The following GRIN2D variants were observed in gnomAD, a reference collection of about 807,000 sequenced individuals.
GRIN2D encodes the protein glutamate receptor ionotropic, NMDA 2D.
In GRIN2D, 37 loss-of-function variants were observed where a neutral mutation model predicts 103.2. That is an observed-to-expected ratio of 0.36 (90% CI 0.28 to 0.47). The LOEUF (loss-of-function observed/expected upper bound fraction) is 0.47. Among genes scored for constraint, GRIN2D ranks in the 20% least tolerant of loss-of-function variants. The probability of loss-of-function intolerance (pLI) is 1.00; values close to 1 mark genes in which losing one functional copy is unlikely to be tolerated. For missense variants in GRIN2D, 1,557 were observed against 1,910.6 expected, an observed-to-expected ratio of 0.81 and a Z score of 3.45; for synonymous variants, 845 against 885.6, an observed-to-expected ratio of 0.95 and a Z score of 0.81.
chr19:48,428,541 T>C (rs997103353), intron 11 of GRIN2D, among the ~76,000 whole-genome samples: 2 of 151,956 alleles, frequency 1.3e-5, no homozygotes, highest in Non-Finnish European at 2.9e-5. Context: ...TTTTGTATTT[T>C]TAGTAGAGAC....
chr19:48,414,354 CTCTT>C lies in GRIN2D; in HGVS notation c.1201-16_1201-13del, dbSNP rs1970915338. Reference sequence around the variant, plus strand: ...GGAAGTCTTCCCAGGAAGCCTGACTCTCTTTCCCTTTGGCCAAGGTGGGCAGCTG... The same window carrying C: ...GGAAGTCTTCCCAGGAAGCCTGACTCTCCCTTTGGCCAAGGTGGGCAGCTG... On this transcript the variant is annotated splice_polypyrimidine_tract_variant and intron_variant, in intron 5 of 13. Transcript: ENST00000263269. This position sits in a 1 kb window ranked among gnomAD's most constrained non-coding sequence, Gnocchi z 4.6. 6.3e-7 allele frequency: 1 copy of C among 1,584,992 alleles called. No homozygotes were observed. Among genetic ancestry groups the C allele is most frequent in the Non-Finnish European group, 8.6e-7 (1 of 1,165,990 alleles).
chr19:48,415,160 C>T, intron 7 of GRIN2D, 128 bp downstream of exon 7: 2 of 859,268 alleles, frequency 2.3e-6, no homozygotes, highest in Admixed American at 5.8e-5. Context: ...TGCCTGAGCT[C>T]AGGGGTTCGA....
At chr19:48,428,263 C>G (rs551150414) in intron 11 of GRIN2D, among the ~76,000 whole-genome samples, 4 of 151,898 alleles carry the variant, frequency 2.6e-5, no homozygotes, top group Admixed American at 2.6e-4. Flanking sequence ...TCTCGAACTC[C>G]TGACCTCAGG....
At position 48,398,746 on chromosome 19, in the gene GRIN2D, A is replaced by G. The variant is rs1319668543; in HGVS notation, c.354A>G (p.Glu118=). The G allele has an allele frequency of 1.4e-6, 2 of 1,466,608 alleles. No individual in the cohort carries two copies. Among genetic ancestry groups the G allele is most frequent in the Admixed American group, 2.4e-5 (1 of 41,220 alleles). The allele number at this position is 1,466,608 out of a possible 1,614,324, so 90.8% of individuals were successfully genotyped here. The change falls in exon 3 of 14, where the codon GAA becomes GAG. Residue 118 remains glutamate, a synonymous_variant. Transcript: ENST00000263269. ...SGLRVHGVVF[E]DDSRAPAVAP... ...TGCGCGTGCACGGCGTGGTCTTCGA[A>G]GACGACTCGCGCGCGCCCGCCGTCG... is the stretch of plus-strand genomic sequence containing the variant.
rs1286382900 is a variant in GRIN2D, at chr19:48,398,726, G to A, written c.334G>A (p.Val112Met). 4.8e-6 allele frequency: 7 copies of A among 1,466,588 alleles called. No homozygotes were observed. Among genetic ancestry groups the A allele is most frequent in the South Asian group, 2.6e-5 (2 of 77,324 alleles). 90.8% of individuals were successfully genotyped at this position (1,466,588 alleles called of 1,614,324 possible). Residue 112 changes from valine to methionine, a missense_variant, in exon 3 of 14, where the codon GTG (valine) becomes ATG (methionine). This residue lies in a region of GRIN2D where 490 missense variants were observed against 601.1 expected (regional missense o/e 0.82). Transcript: ENST00000263269. ...QLCDLLSGLR[V>M]HGVVFEDDSR... is the part of the protein sequence containing the mutation. ...CTGCGACCTGCTGTCGGGGTTGCGCGTGCACGGCGTGGTCTTCGAAGACGA... is the reference window on the plus strand; with the variant it reads ...CTGCGACCTGCTGTCGGGGTTGCGCATGCACGGCGTGGTCTTCGAAGACGA...
In GRIN2D at chr19:48,442,197, A is replaced by T; in HGVS notation, c.2488A>T (p.Asn830Tyr). ...ERLWLSGICH[N>Y]DKIEVMSSKL... ...GCTGTGGCTCTCTGGGATCTGCCAC[A>T]ATGACAAAATCGAGGTGATGAGCAG... The change falls in exon 13 of 14, where the codon AAT becomes TAT. Residue 830 changes from asparagine (N) to tyrosine (Y), a missense_variant. Asn to Tyr is a moderately radical substitution (Grantham distance 143, BLOSUM62 -2). This residue lies in a region of GRIN2D where 138 missense variants were observed against 270.2 expected (regional missense o/e 0.51). Transcript: ENST00000263269. This position sits in a 1 kb window ranked among gnomAD's most constrained non-coding sequence, Gnocchi z 7.2. 3.1e-6 allele frequency: 5 copies of T among 1,614,182 alleles called. No homozygotes were observed. The highest frequency in any genetic ancestry group is 4.2e-6 in the Non-Finnish European group (5 of 1,180,024).
At chr19:48,418,841 G>C (rs1674751710) in intron 8 of GRIN2D, among the ~76,000 whole-genome samples, 1 of 152,052 alleles carries the variant, frequency 6.6e-6, no homozygotes, top group South Asian at 2.1e-4. Flanking sequence ...AAACATTTAG[G>C]AGACAGTTTC....
At chr19:48,407,858 G>A (rs536711802) in intron 4 of GRIN2D, among the ~76,000 whole-genome samples, 1 of 152,324 alleles carries the variant, frequency 6.6e-6, no homozygotes, top group South Asian at 2.1e-4. Flanking sequence ...GGGGTGGTCA[G>A]GAAAGGCCTT....
chr19:48,423,241 TCA>T, intron 11 of GRIN2D, among the ~76,000 whole-genome samples: 1 of 151,920 alleles, frequency 6.6e-6, no homozygotes. Flanking sequence ...AAAGTTGAGT[TCA>T]GGCCCCAAAG....
intron 3 of GRIN2D, among the ~76,000 whole-genome samples, chr19:48,403,657 G>A (rs1419737549): frequency 6.6e-6 from 1 of 152,134 alleles, no homozygotes; most frequent in East Asian, 1.9e-4. Context: ...AGAAGGGCCA[G>A]CAAAGGAGGC....
intron 12 of GRIN2D, 33 bp downstream of exon 12, chr19:48,441,989 G>C: frequency 1.3e-6 from 2 of 1,578,660 alleles, no homozygotes; most frequent in Non-Finnish European, 1.7e-6. Flanking sequence ...CCACAGCGGA[G>C]AGGGGGAGGG....
At chr19:48,419,385 G>T (rs1481689014) in intron 9 of GRIN2D, 26 bp downstream of exon 9, 3 of 1,583,430 alleles carry the variant, frequency 1.9e-6, no homozygotes, top group Non-Finnish European at 8.5e-7. Context: ...TCCATCCCCC[G>T]CCTCGGAGAT....
Position 48,421,983 on chromosome 19 carries a change from G to T in GRIN2D, c.2252+38G>T, listed in dbSNP as rs371552966. ...TCGGGCCGGGGGTGGGGGTTGGGCCGCTGGGGACCTGAGGATGCTCAAAGA... is the reference window on the plus strand; with the variant it reads ...TCGGGCCGGGGGTGGGGGTTGGGCCTCTGGGGACCTGAGGATGCTCAAAGA... On this transcript the variant is annotated intron_variant, in intron 11 of 13. Transcript: ENST00000263269. This position sits in a 1 kb window ranked among gnomAD's most constrained non-coding sequence, Gnocchi z 4.8. The T allele has an allele frequency of 2.5e-6, 4 of 1,596,280 alleles. No individual in the cohort carries two copies. The highest frequency in any genetic ancestry group is 2.2e-5 in the South Asian group (2 of 90,234).
chr19:48,433,144 G>A (rs2147467665), intron 11 of GRIN2D, among the ~76,000 whole-genome samples: 1 of 148,248 alleles, frequency 6.7e-6, no homozygotes, highest in South Asian at 2.2e-4. Flanking sequence ...GAGAAGGGCG[G>A]ATTGCCTGAG....
chr19:48,396,449 G>A (rs979125559), intron 2 of GRIN2D, among the ~76,000 whole-genome samples: 3 of 152,030 alleles, frequency 2.0e-5, no homozygotes, highest in Non-Finnish European at 2.9e-5. Flanking sequence ...GGGTCTGGGA[G>A]AGGCAGAGGA....
intron 4 of GRIN2D, among the ~76,000 whole-genome samples, chr19:48,412,824 C>A (rs1189620240): frequency 2.3e-5 from 3 of 131,728 alleles, no homozygotes; most frequent in Non-Finnish European, 4.8e-5. Flanking sequence ...AAAAACCACA[C>A]ATTAAAAAAA....
rs1319668543 is a variant in GRIN2D at position 48,398,746 on chromosome 19, A to C, written c.354A>C (p.Glu118Asp). The change falls in exon 3 of 14, where the codon GAA becomes GAC. Residue 118 changes from glutamate to aspartate, a missense_variant. This residue lies in a region of GRIN2D where 490 missense variants were observed against 601.1 expected (regional missense o/e 0.82). Transcript: ENST00000263269. ...SGLRVHGVVF[E>D]DDSRAPAVAP... ...TGCGCGTGCACGGCGTGGTCTTCGA[A>C]GACGACTCGCGCGCGCCCGCCGTCG... The C allele has an allele frequency of 6.8e-7, 1 of 1,466,718 alleles. No individual in the cohort carries two copies. Among genetic ancestry groups the C allele is most frequent in the South Asian group, 1.3e-5 (1 of 77,282 alleles). 90.9% of individuals were successfully genotyped at this position (1,466,718 alleles called of 1,614,324 possible). A position where few individuals can be genotyped will look rare whatever the true frequency, so the allele number is the denominator to read the frequency against.
In GRIN2D at chr19:48,443,258, C is replaced by A; in HGVS notation, c.3332C>A (p.Ser1111Ter). The change falls in exon 14 of 14, where the codon TCG (serine) becomes TAG (stop). Residue 1111 changes from serine (S) to a stop codon, truncating the protein, a stop_gained. Transcript: ENST00000263269. LOFTEE classifies it high-confidence loss of function. This position sits in a 1 kb window ranked among gnomAD's most constrained non-coding sequence, Gnocchi z 8.9. ...TGCCCTTACCTCGATCTCGAGCCGTCGCCGTCGGACTCGGAGGACTCGGAG... is the reference window on the plus strand; with the variant it reads ...TGCCCTTACCTCGATCTCGAGCCGTAGCCGTCGGACTCGGAGGACTCGGAG... The part of the protein sequence containing the change: ...PPCPYLDLEP[S>*]PSDSEDSESL... 6.6e-7 allele frequency: 1 copy of A among 1,519,592 alleles called. No individual in the cohort carries two copies. Among genetic ancestry groups the A allele is most frequent in the Non-Finnish European group, 8.8e-7 (1 of 1,142,278 alleles). The allele number at this position is 1,519,592 out of a possible 1,614,324, so 94.1% of individuals were successfully genotyped here. A position where few individuals can be genotyped will look rare whatever the true frequency, so the allele number is the denominator to read the frequency against.
chr19:48,417,271 G>A (rs527741311), intron 8 of GRIN2D, among the ~76,000 whole-genome samples: 1 of 152,204 alleles, frequency 6.6e-6, no homozygotes, highest in Admixed American at 6.5e-5. Flanking sequence ...ATCCCACTCT[G>A]TGGAAGCAAG....
Sources: allele counts gnomAD v4.1 joint callset (sites outside exome capture counted in the v4.1 genomes callset), GRCh38; gene constraint gnomAD v4.1.1; regional missense constraint gnomAD v4.1.1; non-coding constraint Gnocchi (gnomAD v3.1); transcripts MANE v1.5; gene names NCBI Gene and HGNC (gene_info 2026-07-23, HGNC 2026-07-21).